TAFA2: variants seen among roughly 807,000 people sequenced by gnomAD.
The protein encoded by TAFA2 is TAFA chemokine like family member 2.
A neutral mutation model predicts 18.8 loss-of-function variants in TAFA2; 7 were observed. The observed-to-expected ratio is 0.37, with a 90% CI of 0.21 to 0.70. The LOEUF (loss-of-function observed/expected upper bound fraction) is 0.70, where lower values mean the gene tolerates loss of function less well. TAFA2 is among the 30% of genes least tolerant of loss of function. The probability of loss-of-function intolerance (pLI) is 0.53; values close to 1 mark genes in which losing one functional copy is unlikely to be tolerated. For missense variants in TAFA2, 122 were observed against 158.1 expected, an observed-to-expected ratio of 0.77 and a Z score of 1.23; for synonymous variants, 60 against 54.2, an observed-to-expected ratio of 1.11 and a Z score of -0.47.
chr12:62,110,978 T>C lies in TAFA2; in HGVS notation c.-2+80281A>G, dbSNP rs1041867447. On this transcript the variant is annotated intron_variant, in intron 1 of 4. Coordinates refer to ENST00000416284, the MANE Select transcript of TAFA2 (RefSeq NM_178539.5). ...ATTTTTTTGAAGGGTTTTTTGTGTC[T>C]GTATTCTCCTTCAGTTCTGCTCTCA... Among the ~76,000 whole-genome samples, 5 of 152,096 alleles carry C rather than the reference T, an allele frequency of 3.3e-5. No individual in the cohort carries two copies. In the South Asian group the frequency reaches 1.0e-3, roughly 32 times the overall value.
chr12:62,096,754 G>A (rs1181141058), intron 1 of TAFA2, among the ~76,000 whole-genome samples: 3 of 152,086 alleles, frequency 2.0e-5, no homozygotes, highest in East Asian at 3.9e-4. Flanking sequence ...GGCACAAATG[G>A]CTTAGCTTGT....
intron 2 of TAFA2, among the ~76,000 whole-genome samples, chr12:61,799,675 A>T (rs186788295): frequency 2.2e-3 from 330 of 152,206 alleles, no homozygotes; most frequent in African/African-American, 7.1e-3. Flanking sequence ...ACAAAAAATT[A>T]GCCGGGCGTG....
chr12:62,184,463 GATA>G (rs2062571533), intron 1 of TAFA2, among the ~76,000 whole-genome samples: 1 of 148,334 alleles, frequency 6.7e-6, no homozygotes, highest in Non-Finnish European at 1.5e-5. Context: ...TCCATGCCAT[GATA>G]CTTAGTGGGT....
intron 1 of TAFA2, among the ~76,000 whole-genome samples, chr12:61,974,409 C>T (rs912660822): frequency 6.6e-6 from 1 of 151,668 alleles, no homozygotes; most frequent in African/African-American, 2.4e-5. Flanking sequence ...AAAATTAGTT[C>T]AGCATGAATA....
At chr12:61,828,936 T>C (rs1872619569) in intron 2 of TAFA2, among the ~76,000 whole-genome samples, 1 of 151,798 alleles carries the variant, frequency 6.6e-6, no homozygotes, top group South Asian at 2.1e-4. Flanking sequence ...CTGAGTAATA[T>C]GTAAACTTTT....
At chr12:62,254,026 A>G (rs1168578927) in intron 1 of TAFA2, among the ~76,000 whole-genome samples, 1 of 152,224 alleles carries the variant, frequency 6.6e-6, no homozygotes, top group African/African-American at 2.4e-5. Context: ...TTCACACAAA[A>G]GACTGAGTAA....
intron 1 of TAFA2, among the ~76,000 whole-genome samples, chr12:62,155,688 T>A (rs1426523296): frequency 1.3e-5 from 2 of 151,878 alleles, no homozygotes; most frequent in South Asian, 2.1e-4. Flanking sequence ...AAACCTAAAG[T>A]GGGGAAAGGA....
In TAFA2 at chr12:61,883,182, T is replaced by A. The variant is rs546213571; in HGVS notation, c.-1-15756A>T. ...ATGATAACATAGTAAACAAAAAAAA[T>A]TCATCTTTCAGCTAGTAAGTAGATT... On this transcript the variant is annotated intron_variant, in intron 1 of 4. Transcript: ENST00000416284. Among the ~76,000 whole-genome samples the A allele has an allele frequency of 9.1e-3, 1,385 of 152,278 alleles. 10 individuals are homozygous for A. Among genetic ancestry groups the A allele is most frequent in the Non-Finnish European group, 0.012 (812 of 68,002 alleles).
At chr12:61,920,951 GA>G (rs959989947) in intron 1 of TAFA2, among the ~76,000 whole-genome samples, 1 of 152,096 alleles carries the variant, frequency 6.6e-6, no homozygotes, top group African/African-American at 2.4e-5. Flanking sequence ...GAATATTTGG[GA>G]AAAAATTCTC....
chr12:61,780,876 T>C (rs1340995851), intron 2 of TAFA2, among the ~76,000 whole-genome samples: 1 of 151,738 alleles, frequency 6.6e-6, no homozygotes, highest in African/African-American at 2.4e-5. Context: ...TTAACAAGTA[T>C]CCAGTGCAAT....
At chr12:61,746,835 C>T (rs1216618652) in intron 4 of TAFA2, among the ~76,000 whole-genome samples, 3 of 152,036 alleles carry the variant, frequency 2.0e-5, no homozygotes, top group Non-Finnish European at 2.9e-5. Flanking sequence ...TTTTTGAATA[C>T]AGCATACATA....
chr12:62,020,663 C>T (rs1265626051), intron 1 of TAFA2, among the ~76,000 whole-genome samples: 1 of 152,136 alleles, frequency 6.6e-6, no homozygotes, highest in Non-Finnish European at 1.5e-5. Context: ...GTTTATACTA[C>T]AGGCAACAGC....
At chr12:62,114,178 G>T (rs1361118152) in intron 1 of TAFA2, among the ~76,000 whole-genome samples, 3 of 152,184 alleles carry the variant, frequency 2.0e-5, no homozygotes, top group Non-Finnish European at 4.4e-5. Flanking sequence ...GAAAAGCGTA[G>T]TATCTGGGCC....
At chr12:61,907,913 G>A (rs971368342) in intron 1 of TAFA2, among the ~76,000 whole-genome samples, 9 of 152,130 alleles carry the variant, frequency 5.9e-5, no homozygotes, top group Admixed American at 3.3e-4. Context: ...GCTTGCATGA[G>A]GCCTGCAGGC....
intron 1 of TAFA2, among the ~76,000 whole-genome samples, chr12:62,254,831 T>G (rs1425470130): frequency 6.6e-6 from 1 of 152,200 alleles, no homozygotes; most frequent in Non-Finnish European, 1.5e-5. Context: ...TATTATATTG[T>G]TCTAAGACTC....
At chr12:61,882,750 C>T (rs1449903663) in intron 1 of TAFA2, among the ~76,000 whole-genome samples, 1 of 152,016 alleles carries the variant, frequency 6.6e-6, no homozygotes, top group Non-Finnish European at 1.5e-5. Context: ...TATATTCTAC[C>T]TACTACATAA....
intron 2 of TAFA2, among the ~76,000 whole-genome samples, chr12:61,866,861 TC>T (rs1874375197): frequency 6.6e-6 from 1 of 152,184 alleles, no homozygotes; most frequent in Admixed American, 6.5e-5. Context: ...CTGAAACTTA[TC>T]TTTATTATAT....
intron 1 of TAFA2, among the ~76,000 whole-genome samples, chr12:61,938,932 G>A (rs535707696): frequency 6.6e-6 from 1 of 151,168 alleles, no homozygotes; most frequent in Admixed American, 6.6e-5. Flanking sequence ...GTGGGTGAGG[G>A]ATTAAAAAAA....
rs535706039 is a variant in TAFA2 at position 61,950,278 on chromosome 12, C to T, written c.-1-82852G>A. On this transcript the variant is annotated intron_variant, in intron 1 of 4. Coordinates refer to ENST00000416284, the MANE Select transcript of TAFA2 (RefSeq NM_178539.5). ...TGCTTTCAATCATTTTAGGTCTATA[C>T]CCAAAAACAAAATTGCTGGATAATA... Among the ~76,000 whole-genome samples, 4 of 152,130 alleles carry T rather than the reference C, an allele frequency of 2.6e-5. No homozygotes were observed. In the East Asian group the frequency reaches 7.7e-4, roughly 29 times the overall value.
Sources: allele counts gnomAD v4.1 joint callset (sites outside exome capture counted in the v4.1 genomes callset), GRCh38; gene constraint gnomAD v4.1.1; transcripts MANE v1.5; gene names NCBI Gene and HGNC (gene_info 2026-07-23, HGNC 2026-07-21).